The following DYNC2H1 variants were observed in gnomAD, a reference collection of about 807,000 sequenced individuals.
DYNC2H1 encodes dynein cytoplasmic 2 heavy chain 1.
Under a neutral mutation model 570.0 loss-of-function variants are expected in DYNC2H1, and 410 were observed. The ratio of observed to expected loss-of-function variants is 0.72; its 90% CI spans 0.66 to 0.78. The LOEUF is 0.78. DYNC2H1 is among the 30% of genes least tolerant of loss of function. The probability of loss-of-function intolerance (pLI) is 0.00; values close to 1 mark genes in which losing one functional copy is unlikely to be tolerated. For synonymous variants in DYNC2H1, 1,688 were observed against 1,677.6 expected, an observed-to-expected ratio of 1.01 and a Z score of -0.15; for missense variants, 4,865 against 5,046.4, an observed-to-expected ratio of 0.96 and a Z score of 1.09.
chr11:103,172,594 C>T (rs996894334), intron 34 of DYNC2H1, among the ~76,000 whole-genome samples: 1 of 151,978 alleles, frequency 6.6e-6, no homozygotes, highest in African/African-American at 2.4e-5. Flanking sequence ...AATCCTCCTA[C>T]TAAGTGCTGT....
At chr11:103,304,018 T>C (rs1297480860) in intron 76 of DYNC2H1, among the ~76,000 whole-genome samples, 11 of 152,086 alleles carry the variant, frequency 7.2e-5, no homozygotes, top group Admixed American at 7.2e-4. Flanking sequence ...TAGGAACTTT[T>C]GTTTGTTCAG....
chr11:103,222,140 C>A lies in DYNC2H1; in HGVS notation c.9218C>A (p.Ser3073Tyr). 6.4e-7 allele frequency: 1 copy of A among 1,558,762 alleles called. No homozygotes were observed. Among genetic ancestry groups the A allele is most frequent in the East Asian group, 2.3e-5 (1 of 44,286 alleles). The stretch of plus-strand genomic sequence containing the variant: ...GAACTTCTTTTTAAAAATAAAGGCT[C>A]TTTTGATCCAAAGGTAATTTTTAAG... ...VEELLFKNKGSFDPKNAKRAS... is the reference protein window; with the variant it reads ...VEELLFKNKGYFDPKNAKRAS... Residue 3073 changes from serine to tyrosine, a missense_variant, in exon 58 of 89, where the codon TCT (serine) becomes TAT (tyrosine). Physicochemically the swap from Ser to Tyr is moderately radical, Grantham distance 144. This residue lies in a region of DYNC2H1 where 2,401 missense variants were observed against 2,454.6 expected (regional missense o/e 0.98). Coordinates refer to ENST00000375735, the MANE Select transcript of DYNC2H1 (RefSeq NM_001377.3).
intron 73 of DYNC2H1, among the ~76,000 whole-genome samples, chr11:103,283,488 C>T (rs1837768240): frequency 6.6e-6 from 1 of 152,154 alleles, no homozygotes; most frequent in Admixed American, 6.5e-5. Flanking sequence ...TTCCATCCTT[C>T]CGTTCCTTCC....
Position 103,199,306 on chromosome 11 carries a change from A to T in DYNC2H1, c.7918A>T (p.Ile2640Leu). ...CGAAGTCTTGGAGTATATGTCTAGG[A>T]TAGATAGAGTGCTGAGTTTCCCTGG... Reference protein sequence around the residue: ...FHEVLEYMSRIDRVLSFPGGS... With the variant: ...FHEVLEYMSRLDRVLSFPGGS... The change falls in exon 49 of 89, where the codon ATA becomes TTA. Residue 2640 changes from isoleucine to leucine, a missense_variant. By Grantham distance (5) the Ile-to-Leu change is conservative (BLOSUM62 2). Around this residue, in one of 5 missense-constraint regions of DYNC2H1, gnomAD observed 2,401 missense variants for 2,454.6 expected, o/e 0.98. Coordinates refer to ENST00000375735, the MANE Select transcript of DYNC2H1 (RefSeq NM_001377.3). The surrounding 1 kb of genome is among the most constrained non-coding windows in gnomAD (Gnocchi z 4.6). The T allele has an allele frequency of 6.2e-7, 1 of 1,611,672 alleles. No individual in the cohort carries two copies. Among genetic ancestry groups the T allele is most frequent in the Non-Finnish European group, 8.5e-7 (1 of 1,179,662 alleles).
chr11:103,337,340 C>T (rs4754916), intron 82 of DYNC2H1, among the ~76,000 whole-genome samples: 32,989 of 152,138 alleles, frequency 0.22, 3,722 homozygotes, highest in Admixed American at 0.31. Flanking sequence ...CTCCACATGC[C>T]ATATTTCTGT....
In DYNC2H1 at chr11:103,479,641, A is replaced by T. The variant is rs113577674; in HGVS notation, c.*388A>T. On this transcript the variant is annotated 3_prime_UTR_variant, in exon 89 of 89. Transcript: ENST00000375735. ...TCATAATTTTTGCAGTCTTCCCATG[A>T]CTCTTTTTACATACTGAAGAATGTA... The T allele has an allele frequency of 1.9e-3, 294 of 155,822 alleles. No individual in the cohort carries two copies. Among genetic ancestry groups the T allele is most frequent in the Middle Eastern group, 3.3e-3 (1 of 304 alleles). 9.7% of individuals were successfully genotyped at this position (155,822 alleles called of 1,614,324 possible). A position where few individuals can be genotyped will look rare whatever the true frequency, so the allele number is the denominator to read the frequency against.
intron 53 of DYNC2H1, among the ~76,000 whole-genome samples, chr11:103,210,835 C>T (rs1456413341): frequency 6.6e-6 from 1 of 151,910 alleles, no homozygotes; most frequent in East Asian, 1.9e-4. Context: ...AAAAGGTTGG[C>T]ATGGTCAGGT....
chr11:103,177,762 A>G lies in DYNC2H1; in HGVS notation c.6081A>G (p.Arg2027=). The G allele has an allele frequency of 1.9e-6, 3 of 1,613,214 alleles. No individual in the cohort carries two copies. The highest frequency in any genetic ancestry group is 2.5e-6 in the Non-Finnish European group (3 of 1,179,546). ...QLLGHIDMDT[R]EWSDGVLTNS... ...TAGGCCATATTGACATGGACACAAG[A>G]GAATGGTCTGATGGTGTTTTGACAA... Residue 2027 remains arginine, a synonymous_variant, in exon 38 of 89, where the codon AGA becomes AGG. Transcript: ENST00000375735. This position sits in a 1 kb window ranked among gnomAD's most constrained non-coding sequence, Gnocchi z 4.4.
In DYNC2H1 at chr11:103,222,155, T is replaced by C; in HGVS notation, c.9231+2T>C. ...AATAAAGGCTCTTTTGATCCAAAGG[T>C]AATTTTTAAGTTATACTATAAATTT... On this transcript the variant is annotated splice_donor_variant, in intron 58 of 88. Coordinates refer to ENST00000375735, the MANE Select transcript of DYNC2H1 (RefSeq NM_001377.3). LOFTEE classifies it high-confidence loss of function. The C allele has an allele frequency of 6.5e-7, 1 of 1,530,386 alleles. No individual in the cohort carries two copies. Among genetic ancestry groups the C allele is most frequent in the Non-Finnish European group, 8.9e-7 (1 of 1,127,828 alleles). 94.8% of individuals were successfully genotyped at this position (1,530,386 alleles called of 1,614,324 possible).
intron 82 of DYNC2H1, among the ~76,000 whole-genome samples, chr11:103,352,303 T>G (rs1232733748): frequency 6.6e-6 from 1 of 152,134 alleles, no homozygotes; most frequent in Non-Finnish European, 1.5e-5. Context: ...TATTCTTAAC[T>G]GTGTAATTTA....
At chr11:103,301,028 A>G (rs1364858751) in intron 75 of DYNC2H1, among the ~76,000 whole-genome samples, 2 of 151,950 alleles carry the variant, frequency 1.3e-5, no homozygotes, top group Non-Finnish European at 2.9e-5. Flanking sequence ...CTGGTATTCC[A>G]TCATTAACAC....
At chr11:103,306,103 G>A (rs1867271824) in intron 77 of DYNC2H1, among the ~76,000 whole-genome samples, 1 of 146,064 alleles carries the variant, frequency 6.8e-6, no homozygotes, top group African/African-American at 2.5e-5. Flanking sequence ...TTAGAGACAG[G>A]GTTTTGCCAT....
chr11:103,171,445 A>G (rs1236421005), intron 34 of DYNC2H1, among the ~76,000 whole-genome samples: 1 of 151,856 alleles, frequency 6.6e-6, no homozygotes, highest in Non-Finnish European at 1.5e-5. Flanking sequence ...TAGTAGAGAT[A>G]GGGTTTGATC....
Position 103,243,205 on chromosome 11 carries a change from T to C in DYNC2H1, c.9820-488T>C, listed in dbSNP as rs1403721767. On this transcript the variant is annotated intron_variant, in intron 63 of 88. Transcript: ENST00000375735. The surrounding 1 kb of genome is among the most constrained non-coding windows in gnomAD (Gnocchi z 4.8). ...TTGATAATTAGCAGTGTTTTAATGA[T>C]TTGCTCATACTTCTTTTTATGGCCT... 6.6e-6 allele frequency among the ~76,000 whole-genome samples: 1 copy of C among 152,126 alleles called. No individual in the cohort carries two copies. The highest frequency in any genetic ancestry group is 2.4e-5 in the African/African-American group (1 of 41,424).
rs1944183096 is a variant in DYNC2H1, at chr11:103,439,504, T to C, written c.12456+3472T>C. The stretch of plus-strand genomic sequence containing the variant: ...TATCCTAAGGACAAAAGGTAACCAT[T>C]GCAGCATTTTAAGAAGGAAAGTCAG... On this transcript the variant is annotated intron_variant, in intron 85 of 88. Coordinates refer to ENST00000375735, the MANE Select transcript of DYNC2H1 (RefSeq NM_001377.3). The surrounding 1 kb of genome is among the most constrained non-coding windows in gnomAD (Gnocchi z 4.1). Among the ~76,000 whole-genome samples the C allele has an allele frequency of 6.6e-6, 1 of 152,118 alleles. No individual in the cohort carries two copies. The highest frequency in any genetic ancestry group is 1.5e-5 in the Non-Finnish European group (1 of 68,016).
intron 83 of DYNC2H1, among the ~76,000 whole-genome samples, chr11:103,371,385 T>A (rs1941139291): frequency 6.6e-6 from 1 of 152,152 alleles, no homozygotes; most frequent in Non-Finnish European, 1.5e-5. Flanking sequence ...GTAGAAAGTT[T>A]ATTCAAAAGG....
chr11:103,389,893 C>T (rs12363405), intron 83 of DYNC2H1, among the ~76,000 whole-genome samples: 102,032 of 151,832 alleles, frequency 0.67, 34,416 homozygotes, highest in Admixed American at 0.73. Context: ...CTTTTATATT[C>T]GCTGAGGAGT....
rs927971436 is a variant in DYNC2H1, at chr11:103,261,698, C to T, written c.10695+1721C>T. ...ATACAAAAACCCCATCCGAAGGTCA[C>T]CAAGATCAAAGACCAAAGGTAGATA... On this transcript the variant is annotated intron_variant, in intron 70 of 88. Coordinates refer to ENST00000375735, the MANE Select transcript of DYNC2H1 (RefSeq NM_001377.3). This position sits in a 1 kb window ranked among gnomAD's most constrained non-coding sequence, Gnocchi z 4.8. Among the ~76,000 whole-genome samples the T allele has an allele frequency of 6.6e-6, 1 of 152,162 alleles. No homozygotes were observed. The highest frequency in any genetic ancestry group is 2.4e-5 in the African/African-American group (1 of 41,434).
chr11:103,142,908 T>C (rs1221619812), intron 17 of DYNC2H1, among the ~76,000 whole-genome samples: 1 of 152,240 alleles, frequency 6.6e-6, no homozygotes, highest in Non-Finnish European at 1.5e-5. Flanking sequence ...GCAATACTTC[T>C]GTGTCTTAGA....
Sources: allele counts gnomAD v4.1 joint callset (sites outside exome capture counted in the v4.1 genomes callset), GRCh38; gene constraint gnomAD v4.1.1; regional missense constraint gnomAD v4.1.1; non-coding constraint Gnocchi (gnomAD v3.1); transcripts MANE v1.5; gene names NCBI Gene and HGNC (gene_info 2026-07-23, HGNC 2026-07-21).